Variants in SOAT2 observed in about 807,000 individuals in gnomAD.
SOAT2 encodes the protein ACAT-2.
Under a neutral mutation model 76.0 loss-of-function variants are expected in SOAT2, and 87 were observed. That is an observed-to-expected ratio of 1.14 (90% CI 0.96 to 1.37). The LOEUF is 1.37. Among genes scored for constraint, SOAT2 ranks in the 40% most tolerant of loss-of-function variants. SOAT2 has a pLI of 0.00. For synonymous variants in SOAT2, 285 were observed against 275.4 expected, an observed-to-expected ratio of 1.03 and a Z score of -0.34; for missense variants, 686 against 682.1, an observed-to-expected ratio of 1.01 and a Z score of -0.06.
chr12:53,105,782 A>G, intron 4 of SOAT2, 125 bp from the exon 5 acceptor site: 1 of 1,037,878 alleles, frequency 9.6e-7, no homozygotes, highest in Non-Finnish European at 1.5e-6. Context: ...ATGGTTGTGG[A>G]AGAAAGGCCT....
intron 11 of SOAT2, 65 bp from the exon 12 acceptor site, chr12:53,121,238 G>T: frequency 8.6e-7 from 1 of 1,167,086 alleles, no homozygotes. Context: ...GGGAGCAGTG[G>T]GGAGGAGCCG....
intron 10 of SOAT2, 129 bp downstream of exon 10, chr12:53,119,382 C>A (rs1394184008): frequency 4.1e-6 from 4 of 971,918 alleles, no homozygotes; most frequent in Admixed American, 2.6e-5. Context: ...TCTGTCCCCT[C>A]CTATCAGGGC....
At chr12:53,115,259 C>A in intron 5 of SOAT2, 131 bp from the exon 6 acceptor site, 1 of 1,041,528 alleles carries the variant, frequency 9.6e-7, no homozygotes, top group Non-Finnish European at 1.4e-6. Flanking sequence ...CCGTCTTGAA[C>A]ACCTCCAGAG....
At chr12:53,107,863 T>C (rs887270609) in intron 5 of SOAT2, among the ~76,000 whole-genome samples, 7 of 152,198 alleles carry the variant, frequency 4.6e-5, no homozygotes, top group Admixed American at 4.6e-4. Flanking sequence ...CCTCAGGCGA[T>C]CTGCCCACCT....
At chr12:53,118,730 T>C (rs1938143304) in intron 8 of SOAT2, among the ~76,000 whole-genome samples, 160 bp from the exon 9 acceptor site, 1 of 152,090 alleles carries the variant, frequency 6.6e-6, no homozygotes, top group Non-Finnish European at 1.5e-5. Context: ...ATCTCTGTTA[T>C]GGAAAGTTCA....
chr12:53,111,685 G>C (rs1463574521), intron 5 of SOAT2, among the ~76,000 whole-genome samples: 1 of 152,280 alleles, frequency 6.6e-6, no homozygotes, highest in Middle Eastern at 3.4e-3. Context: ...GAAATTGCTT[G>C]ATCAATAAAT....
intron 7 of SOAT2, 103 bp from the exon 8 acceptor site, chr12:53,118,247 T>G: frequency 4.0e-6 from 1 of 251,056 alleles, no homozygotes; most frequent in Non-Finnish European, 8.3e-6. Flanking sequence ...CCCCACCCTA[T>G]CCATTTCTCC....
intron 5 of SOAT2, 121 bp downstream of exon 5, chr12:53,106,135 A>G (rs112048609): frequency 7.7e-6 from 5 of 646,698 alleles, no homozygotes; most frequent in African/African-American, 5.4e-5. Flanking sequence ...TTGGACATGT[A>G]CCAACATTGC....
Position 53,118,390 on chromosome 12 carries a change from C to G in SOAT2, c.819C>G (p.Tyr273Ter). 1.9e-6 allele frequency: 3 copies of G among 1,613,814 alleles called. No individual in the cohort carries two copies. Among genetic ancestry groups the G allele is most frequent in the Non-Finnish European group, 8.5e-7 (1 of 1,179,868 alleles). The change falls in exon 8 of 15, where the codon TAC becomes TAG. Residue 273 changes from tyrosine to a stop codon, truncating the protein, a stop_gained. Transcript: ENST00000301466. LOFTEE classifies it high-confidence loss of function. ...IQAPSFSSYLYFLFCPTLIYR... is the reference protein window; with the variant it reads ...IQAPSFSSYL ...CCCCCAGTTTCTCCAGCTACCTCTA[C>G]TTCCTCTTCTGCCCAACACTCATCT...
chr12:53,109,224 G>A (rs1395223023), intron 5 of SOAT2, among the ~76,000 whole-genome samples: 2 of 152,014 alleles, frequency 1.3e-5, no homozygotes, highest in Non-Finnish European at 2.9e-5. Context: ...GTGACAGAGC[G>A]AGACTCCATC....
chr12:53,114,645 C>G (rs577342209), intron 5 of SOAT2, among the ~76,000 whole-genome samples: 2 of 152,102 alleles, frequency 1.3e-5, no homozygotes, highest in Non-Finnish European at 2.9e-5. Context: ...TGTTTGAACC[C>G]GGGAGGCGGA....
chr12:53,115,406 G>T lies in SOAT2; in HGVS notation c.460G>T (p.Asp154Tyr). The change falls in exon 6 of 15, where the codon GAC (aspartate) becomes TAC (tyrosine). Residue 154 changes from aspartate (D) to tyrosine (Y), a missense_variant. Asp to Tyr is a radical substitution (Grantham distance 160). Coordinates refer to ENST00000301466, the MANE Select transcript of SOAT2 (RefSeq NM_003578.4). The stretch of plus-strand genomic sequence containing the variant: ...CACTCCAAGGCTGCTGCTGGAGTTT[G>T]ACCTACTGATCTTCAGCTTCGGACA... ...IDEGRLLLEF[D>Y]LLIFSFGQLP... 6.2e-7 allele frequency: 1 copy of T among 1,608,066 alleles called. No homozygotes were observed. The highest frequency in any genetic ancestry group is 1.1e-5 in the South Asian group (1 of 90,640).
Position 53,124,328 on chromosome 12 carries a change from G to T in SOAT2, c.*205G>T. 1.6e-6 allele frequency: 1 copy of T among 611,806 alleles called. No individual in the cohort carries two copies. The highest frequency in any genetic ancestry group is 2.9e-6 in the Non-Finnish European group (1 of 342,060). The allele number at this position is 611,806 out of a possible 1,614,324, so 37.9% of individuals were successfully genotyped here. A position where few individuals can be genotyped will look rare whatever the true frequency, so the allele number is the denominator to read the frequency against. On this transcript the variant is annotated 3_prime_UTR_variant, in exon 15 of 15. Transcript: ENST00000301466. The stretch of plus-strand genomic sequence containing the variant: ...CAGACCTCAGCATGGGGGTGACCAG[G>T]GTGACTCTTCAATCCCTATCCCCAT...
Position 53,105,102 on chromosome 12 carries a change from C to A in SOAT2, c.139-5C>A. ...AGTGGGCTCTACCCTGGCTTTGTCC[C>A]GTAGGCTGTGAAGGCACAATTGCTG... is the stretch of plus-strand genomic sequence containing the variant. On this transcript the variant is annotated splice_polypyrimidine_tract_variant and splice_region_variant and intron_variant, in intron 2 of 14. Transcript: ENST00000301466. 1 of 1,555,308 alleles carries A rather than the reference C, an allele frequency of 6.4e-7. No individual in the cohort carries two copies. The highest frequency in any genetic ancestry group is 2.4e-5 in the East Asian group (1 of 41,266).
intron 12 of SOAT2, 122 bp from the exon 13 acceptor site, chr12:53,122,959 G>C: frequency 8.8e-7 from 1 of 1,134,730 alleles, no homozygotes; most frequent in South Asian, 1.8e-5. Flanking sequence ...GCCGGGCGGG[G>C]GGCTGACCCC....
In SOAT2 at chr12:53,105,032, T is replaced by C. The variant is rs112315707; in HGVS notation, c.139-75T>C. On this transcript the variant is annotated intron_variant, in intron 2 of 14. Coordinates refer to ENST00000301466, the MANE Select transcript of SOAT2 (RefSeq NM_003578.4). ...GCACTGTGCCTGGCATAGACAGAAATTCAGTGAATGTCTGGTGAATGAAAG... is the reference window on the plus strand; with the variant it reads ...GCACTGTGCCTGGCATAGACAGAAACTCAGTGAATGTCTGGTGAATGAAAG... 1,077 of 1,396,172 alleles carry C rather than the reference T, an allele frequency of 7.7e-4. 3 individuals are homozygous for C. In the African/African-American group the frequency reaches 0.014, roughly 18 times the overall value. 86.5% of individuals were successfully genotyped at this position (1,396,172 alleles called of 1,614,324 possible).
chr12:53,119,294 G>A (rs536082589), intron 10 of SOAT2, 41 bp downstream of exon 10: 6 of 1,606,016 alleles, frequency 3.7e-6, no homozygotes, highest in Non-Finnish European at 4.3e-6. Context: ...TGTGCCCTGG[G>A]GAAGGCTAAT....
At position 53,123,083 on chromosome 12, in the gene SOAT2, C is replaced by T. The variant is rs571621806; in HGVS notation, c.1239C>T (p.Leu413=). The change falls in exon 13 of 15, where the codon CTC becomes CTT. Residue 413 remains leucine, a splice_region_variant and synonymous_variant. Coordinates refer to ENST00000301466, the MANE Select transcript of SOAT2 (RefSeq NM_003578.4). ...CACTCCTTTCCTCACCCTGCCAGCT[C>T]CTTGGTGCCCGGGCCCGAGGGGTAG... The part of the protein sequence containing the change: ...YSYVYQDGLR[L]LGARARGVAM... The T allele has an allele frequency of 6.2e-7, 1 of 1,611,790 alleles. No individual in the cohort carries two copies. Among genetic ancestry groups the T allele is most frequent in the Non-Finnish European group, 8.5e-7 (1 of 1,179,194 alleles).
Position 53,103,612 on chromosome 12 carries a change from G to A in SOAT2, c.35G>A (p.Arg12Lys). ...GGCGGGGCCCGTCTGCGTCTGCAGA[G>A]GACAGAAGGGCTGGGAGGGGAGCGG... The part of the protein sequence containing the change: ...EPGGARLRLQ[R>K]TEGLGGERER... The change falls in exon 1 of 15, where the codon AGG becomes AAG. Residue 12 changes from arginine (R) to lysine (K), a missense_variant. Transcript: ENST00000301466. 2 of 1,546,646 alleles carry A rather than the reference G, an allele frequency of 1.3e-6. No individual in the cohort carries two copies. Among genetic ancestry groups the A allele is most frequent in the African/African-American group, 1.4e-5 (1 of 73,132 alleles).
Sources: gnomAD v4.1 joint callset for allele counts (sites outside exome capture counted in the v4.1 genomes callset) on GRCh38, gnomAD v4.1.1 for gene constraint, MANE v1.5 for transcripts, NCBI Gene and HGNC (gene_info 2026-07-23, HGNC 2026-07-21) for gene names.